Variants in LRRC69 observed in about 807,000 individuals in gnomAD.
LRRC69 encodes leucine-rich repeat-containing protein 69.
A neutral mutation model predicts 37.8 loss-of-function variants in LRRC69; 42 were observed. That is an observed-to-expected ratio of 1.11 (90% CI 0.87 to 1.44). The LOEUF is 1.44. Ranked by LOEUF, LRRC69 falls within the 40% of genes most tolerant of loss-of-function variation. The pLI is 0.00. For missense variants in LRRC69, 357 were observed against 401.9 expected, an observed-to-expected ratio of 0.89 and a Z score of 0.96; for synonymous variants, 141 against 143.1, an observed-to-expected ratio of 0.99 and a Z score of 0.11.
intron 4 of LRRC69, 51 bp downstream of exon 4, chr8:91,133,356 A>G (rs900011443): frequency 7.5e-6 from 10 of 1,327,740 alleles, no homozygotes; most frequent in Non-Finnish European, 9.0e-6. Flanking sequence ...AGAACTCAAC[A>G]TGATGGGAGG....
At chr8:91,168,010 G>A (rs1809059058) in intron 5 of LRRC69, among the ~76,000 whole-genome samples, 1 of 151,686 alleles carries the variant, frequency 6.6e-6, no homozygotes, top group African/African-American at 2.4e-5. Context: ...TGTATGCCAG[G>A]AACTTTTGTA....
intron 7 of LRRC69, among the ~76,000 whole-genome samples, chr8:91,214,540 T>C (rs906056203): frequency 2.0e-5 from 3 of 152,152 alleles, no homozygotes; most frequent in African/African-American, 7.2e-5. Context: ...TATAATTTAG[T>C]GAACTTAGAT....
intron 5 of LRRC69, among the ~76,000 whole-genome samples, chr8:91,176,134 A>ATATATATTTTTTTTTTTTTTTT: frequency 1.3e-5 from 1 of 75,700 alleles, no homozygotes; most frequent in Non-Finnish European, 2.4e-5. Context: ...ATATATATAT[A>ATATATATTTTTTTTTTTTTTTT]TTTTTTTTTT....
intron 1 of LRRC69, among the ~76,000 whole-genome samples, chr8:91,116,519 T>G (rs1813513391): frequency 7.0e-6 from 1 of 142,254 alleles, no homozygotes; most frequent in Non-Finnish European, 1.6e-5. Flanking sequence ...TGTATGTGTG[T>G]GAGCATATGT....
chr8:91,185,446 C>G (rs1586272467), intron 5 of LRRC69, among the ~76,000 whole-genome samples: 1 of 152,040 alleles, frequency 6.6e-6, no homozygotes, highest in Admixed American at 6.6e-5. Context: ...CTTTTCTTCA[C>G]CTCCCTCTAA....
At chr8:91,166,492 G>GAAAAAAAAAAAAAAAAAAAA (rs66705016) in intron 5 of LRRC69, among the ~76,000 whole-genome samples, 1 of 95,294 alleles carries the variant, frequency 1.0e-5, no homozygotes. Flanking sequence ...AAAATAAACT[G>GAAAAAAAAAAAAAAAAAAAA]AAAAAAAAAA....
At chr8:91,204,996 A>G (rs928049573) in intron 7 of LRRC69, among the ~76,000 whole-genome samples, 1 of 152,060 alleles carries the variant, frequency 6.6e-6, no homozygotes, top group African/African-American at 2.4e-5. Flanking sequence ...ATTTTTTTCC[A>G]TTGGCCTTAT....
At chr8:91,198,136 G>T (rs534901722) in intron 6 of LRRC69, among the ~76,000 whole-genome samples, 1 of 152,254 alleles carries the variant, frequency 6.6e-6, no homozygotes, top group African/African-American at 2.4e-5. Flanking sequence ...CCTCACCTCA[G>T]AGATTTATGA....
chr8:91,203,605 G>A (rs1037271204), intron 7 of LRRC69, among the ~76,000 whole-genome samples: 26 of 151,304 alleles, frequency 1.7e-4, no homozygotes, highest in African/African-American at 6.1e-4. Context: ...TACCATGTTG[G>A]CCAGGCTTGT....
At chr8:91,153,223 C>G (rs1364182946) in intron 5 of LRRC69, among the ~76,000 whole-genome samples, 1 of 151,402 alleles carries the variant, frequency 6.6e-6, no homozygotes, top group Non-Finnish European at 1.5e-5. Flanking sequence ...AACGCAAGTT[C>G]TTAGAGAACT....
intron 5 of LRRC69, among the ~76,000 whole-genome samples, chr8:91,174,772 C>T (rs1439562107): frequency 6.6e-6 from 1 of 152,188 alleles, no homozygotes; most frequent in East Asian, 1.9e-4. Flanking sequence ...GGTTACTGCT[C>T]ATTCCAGCTT....
Position 91,168,317 on chromosome 8 carries a change from T to C in LRRC69, c.652-21205T>C, listed in dbSNP as rs192304099. Among the ~76,000 whole-genome samples, 208 of 151,928 alleles carry C rather than the reference T, an allele frequency of 1.4e-3. 1 individual carries two copies. The highest frequency in any genetic ancestry group is 3.7e-3 in the Admixed American group (56 of 15,200). ...GATGACCAGAAATATGTGATTGATA[T>C]ACAAGAACAAATGTGGCAGGTGCTG... On this transcript the variant is annotated intron_variant, in intron 5 of 7. Transcript: ENST00000448384.
chr8:91,102,909 A>G, intron 1 of LRRC69, 65 bp downstream of exon 1: 2 of 1,405,596 alleles, frequency 1.4e-6, no homozygotes, highest in South Asian at 2.9e-5. Flanking sequence ...GAGAGAAAAA[A>G]GGGGTAAGAG....
chr8:91,155,492 C>T (rs190775578), intron 5 of LRRC69, among the ~76,000 whole-genome samples: 1 of 150,778 alleles, frequency 6.6e-6, no homozygotes, highest in African/African-American at 2.4e-5. Flanking sequence ...ATTCAACAAC[C>T]TATCTATTTG....
intron 5 of LRRC69, among the ~76,000 whole-genome samples, chr8:91,165,609 A>C (rs547515262): frequency 3.3e-5 from 5 of 151,714 alleles, no homozygotes; most frequent in African/African-American, 4.8e-5. Flanking sequence ...ATTTTTTTCT[A>C]TGTGCATCTC....
chr8:91,156,847 A>G (rs1308147900), intron 5 of LRRC69, among the ~76,000 whole-genome samples: 2 of 150,770 alleles, frequency 1.3e-5, no homozygotes, highest in Admixed American at 1.3e-4. Flanking sequence ...TGGATATTCA[A>G]TTTTCCCAGC....
chr8:91,192,730 T>C (rs1586277039), intron 6 of LRRC69, among the ~76,000 whole-genome samples: 1 of 152,100 alleles, frequency 6.6e-6, no homozygotes, highest in Non-Finnish European at 1.5e-5. Flanking sequence ...GAGTTCTTTG[T>C]AGATTCTGGA....
chr8:91,190,555 A>G (rs1586275335), intron 6 of LRRC69, among the ~76,000 whole-genome samples: 3 of 152,274 alleles, frequency 2.0e-5, no homozygotes, highest in Middle Eastern at 3.4e-3. Context: ...TTCAAACTCT[A>G]TACACTATAT....
At chr8:91,126,313 T>C (rs1187669877) in intron 2 of LRRC69, among the ~76,000 whole-genome samples, 10 of 152,016 alleles carry the variant, frequency 6.6e-5, no homozygotes, top group African/African-American at 2.4e-4. Context: ...TTACATGACC[T>C]GAGGCAGAGA....
Sources: allele counts gnomAD v4.1 joint callset (sites outside exome capture counted in the v4.1 genomes callset), GRCh38; gene constraint gnomAD v4.1.1; transcripts MANE v1.5; gene names NCBI Gene and HGNC (gene_info 2026-07-23, HGNC 2026-07-21).